CMSS1: variants seen among roughly 807,000 people sequenced by gnomAD.
CMSS1 encodes the protein cms1 ribosomal small subunit homolog.
CMSS1 carries 33 observed loss-of-function variants against 43.5 expected under a neutral mutation model. That is an observed-to-expected ratio of 0.76 (90% CI 0.57 to 1.01). CMSS1 has a LOEUF of 1.01. CMSS1 is among the 50% of genes least tolerant of loss of function. The pLI, the probability that CMSS1 is intolerant of heterozygous loss-of-function variation, is 0.00. For missense variants in CMSS1, 313 were observed against 326.4 expected (o/e 0.96, Z 0.32); for synonymous variants, 115 against 117.2 (o/e 0.98, Z 0.12).
chr3:100,125,191 A>AG (rs1366741143), intron 1 of CMSS1, among the ~76,000 whole-genome samples: 1 of 152,080 alleles, frequency 6.6e-6, no homozygotes, highest in Non-Finnish European at 1.5e-5. Flanking sequence ...TCCCATAGGG[A>AG]GGGTGGTTTT....
chr3:99,857,989 T>C (rs1944054392), intron 1 of CMSS1, among the ~76,000 whole-genome samples: 2 of 152,062 alleles, frequency 1.3e-5, no homozygotes, highest in South Asian at 4.2e-4. Context: ...ATAGGCTAAT[T>C]AGGAAAGAAA....
At chr3:99,884,131 T>A (rs193109702) in intron 1 of CMSS1, among the ~76,000 whole-genome samples, 26 of 152,340 alleles carry the variant, frequency 1.7e-4, no homozygotes, top group Admixed American at 4.6e-4. Context: ...AGACCCAGGC[T>A]GTGCAGTAGC....
rs2067167788 is a variant in CMSS1, at chr3:100,178,751, C to T, written c.*363C>T. The T allele has an allele frequency of 5.4e-6, 1 of 183,622 alleles. No individual in the cohort carries two copies. The highest frequency in any genetic ancestry group is 5.4e-5 in the Admixed American group (1 of 18,350). 11.4% of individuals were successfully genotyped at this position (183,622 alleles called of 1,614,324 possible). A position where few individuals can be genotyped will look rare whatever the true frequency, so the allele number is the denominator to read the frequency against. On this transcript the variant is annotated 3_prime_UTR_variant, in exon 10 of 10. Transcript: ENST00000421999. ...TCTTATCAACTCAAAGTGGGAATGT[C>T]TCACAGCATTGTTGAGGATTCCAGG...
chr3:99,976,818 T>A (rs1018495956), intron 1 of CMSS1, among the ~76,000 whole-genome samples: 11 of 152,212 alleles, frequency 7.2e-5, no homozygotes, highest in African/African-American at 2.4e-4. Flanking sequence ...TGTTTGACCA[T>A]TATCTCTTCA....
At chr3:99,991,047 G>A (rs546492465) in intron 1 of CMSS1, among the ~76,000 whole-genome samples, 1 of 152,244 alleles carries the variant, frequency 6.6e-6, no homozygotes, top group South Asian at 2.1e-4. Context: ...TCTGGTCCAT[G>A]AGTTCCCGTA....
At chr3:100,052,370 G>A (rs1394739360) in intron 1 of CMSS1, among the ~76,000 whole-genome samples, 4 of 152,178 alleles carry the variant, frequency 2.6e-5, no homozygotes, top group Non-Finnish European at 4.4e-5. Context: ...AAAATTCCAG[G>A]GGGAACTTTT....
intron 1 of CMSS1, among the ~76,000 whole-genome samples, chr3:100,028,064 G>C (rs1197432557): frequency 6.6e-6 from 1 of 152,146 alleles, no homozygotes; most frequent in Non-Finnish European, 1.5e-5. Context: ...GCTATTCTGG[G>C]AATTTAGGAG....
chr3:99,982,592 C>T (rs1709160157), intron 1 of CMSS1, among the ~76,000 whole-genome samples: 1 of 152,174 alleles, frequency 6.6e-6, no homozygotes, highest in Non-Finnish European at 1.5e-5. Context: ...ATTCTGCCTA[C>T]CTCAGCGTCC....
At chr3:99,952,905 C>T (rs1203569638) in intron 1 of CMSS1, among the ~76,000 whole-genome samples, 1 of 151,906 alleles carries the variant, frequency 6.6e-6, no homozygotes, top group African/African-American at 2.4e-5. Flanking sequence ...AGAGGTATAC[C>T]CCCAAAATGG....
At chr3:99,854,720 T>C (rs1266173108) in intron 1 of CMSS1, among the ~76,000 whole-genome samples, 1 of 152,148 alleles carries the variant, frequency 6.6e-6, no homozygotes, top group African/African-American at 2.4e-5. Context: ...ACTACTGATC[T>C]ATGCATGTGT....
intron 1 of CMSS1, among the ~76,000 whole-genome samples, chr3:99,984,054 G>GTGTGTGTGTGTGTGTGTGTGTT (rs1256455306): frequency 3.3e-5 from 5 of 151,782 alleles, no homozygotes; most frequent in African/African-American, 7.3e-5. Context: ...GTATATGTAT[G>GTGTGTGTGTGTGTGTGTGTGTT]TGTGTTTGTG....
intron 2 of CMSS1, among the ~76,000 whole-genome samples, chr3:100,159,034 G>A (rs976132315): frequency 6.6e-6 from 1 of 152,188 alleles, no homozygotes; most frequent in African/African-American, 2.4e-5. Context: ...ACACTGGCCT[G>A]GTTTGTAATT....
At chr3:99,840,221 C>CTTTTT (rs10935982) in intron 1 of CMSS1, among the ~76,000 whole-genome samples, 22 of 102,120 alleles carry the variant, frequency 2.2e-4, no homozygotes, top group African/African-American at 6.5e-4. Context: ...TTCGTAGAAT[C>CTTTTT]TTTTTTTTTT....
At position 100,027,302 on chromosome 3, in the gene CMSS1, C is replaced by T. The variant is rs531037699; in HGVS notation, c.65-119671C>T. On this transcript the variant is annotated intron_variant, in intron 1 of 9. Transcript: ENST00000421999. ...TTGTGTATTTGTTCACTGCTGTTTA[C>T]ATCTGGAAATGAGCCTCACACATGG... 2.6e-5 allele frequency among the ~76,000 whole-genome samples: 4 copies of T among 152,264 alleles called. No individual in the cohort carries two copies. In the East Asian group the frequency reaches 5.8e-4, roughly 22 times the overall value.
chr3:99,848,965 A>C, intron 1 of CMSS1: 2 of 1,614,160 alleles, frequency 1.2e-6, no homozygotes, highest in Non-Finnish European at 1.7e-6. Flanking sequence ...AGTAACCTTT[A>C]TATGAAGTGG....
intron 2 of CMSS1, 94 bp downstream of exon 2, chr3:100,147,155 G>A: frequency 7.4e-7 from 1 of 1,342,680 alleles, no homozygotes; most frequent in Non-Finnish European, 1.0e-6. Context: ...AATATCGGTT[G>A]TTGGTGGGAT....
At chr3:100,066,526 T>TTAC (rs1360422093) in intron 1 of CMSS1, among the ~76,000 whole-genome samples, 9 of 78,166 alleles carry the variant, frequency 1.2e-4, no homozygotes, top group Non-Finnish European at 2.0e-4. Context: ...TCTTTTTTTT[T>TTAC]TTTTTTTTTT....
At chr3:100,122,192 G>A (rs532323539) in intron 1 of CMSS1, among the ~76,000 whole-genome samples, 9 of 152,324 alleles carry the variant, frequency 5.9e-5, no homozygotes, top group Non-Finnish European at 1.0e-4. Flanking sequence ...AAAGACTGCT[G>A]TTCATGCTGT....
At chr3:100,079,710 A>G (rs2107399379) in intron 1 of CMSS1, among the ~76,000 whole-genome samples, 1 of 152,274 alleles carries the variant, frequency 6.6e-6, no homozygotes, top group East Asian at 1.9e-4. Flanking sequence ...AACATTAGGT[A>G]CCTGTATTCA....
Sources: allele counts gnomAD v4.1 joint callset (sites outside exome capture counted in the v4.1 genomes callset), GRCh38; gene constraint gnomAD v4.1.1; transcripts MANE v1.5; gene names NCBI Gene and HGNC (gene_info 2026-07-23, HGNC 2026-07-21).